The following RNGTT variants were observed in gnomAD, a reference collection of about 807,000 sequenced individuals.
RNGTT encodes mRNA-capping enzyme.
RNGTT carries 33 observed loss-of-function variants against 79.3 expected under a neutral mutation model. The ratio of observed to expected loss-of-function variants is 0.42; its 90% confidence interval spans 0.32 to 0.56. RNGTT has a LOEUF of 0.56. RNGTT is among the 20% of genes least tolerant of loss of function. RNGTT has a pLI of 0.17. For synonymous variants in RNGTT, 222 were observed against 235.9 expected, an observed-to-expected ratio of 0.94 and a Z score of 0.54; for missense variants, 497 against 739.1, an observed-to-expected ratio of 0.67 and a Z score of 3.80.
chr6:88,645,931 A>G (rs1325530754), intron 14 of RNGTT, among the ~76,000 whole-genome samples: 1 of 152,242 alleles, frequency 6.6e-6, no homozygotes, highest in African/African-American at 2.4e-5. Flanking sequence ...GCCATTCAGG[A>G]CATAGGCATG....
intron 11 of RNGTT, among the ~76,000 whole-genome samples, chr6:88,834,909 T>C (rs1375105938): frequency 6.6e-6 from 1 of 152,030 alleles, no homozygotes; most frequent in Admixed American, 6.6e-5. Flanking sequence ...TAACTAATAT[T>C]AATAAAATTA....
intron 8 of RNGTT, among the ~76,000 whole-genome samples, chr6:88,871,748 C>T (rs1782362507): frequency 6.6e-6 from 1 of 152,052 alleles, no homozygotes; most frequent in African/African-American, 2.4e-5. Flanking sequence ...CAGAGCTTTC[C>T]TTATCTGACT....
chr6:88,707,097 A>G (rs1415780064), intron 13 of RNGTT, among the ~76,000 whole-genome samples: 1 of 152,200 alleles, frequency 6.6e-6, no homozygotes, highest in Non-Finnish European at 1.5e-5. Context: ...AAATTAGTCA[A>G]GCAATTTATA....
chr6:88,818,845 T>TTA (rs1300339777), intron 11 of RNGTT, among the ~76,000 whole-genome samples: 2 of 152,228 alleles, frequency 1.3e-5, no homozygotes, highest in African/African-American at 4.8e-5. Context: ...AATTTAATCA[T>TTA]TATGTTTTTT....
At chr6:88,901,501 T>C (rs1319764604) in intron 6 of RNGTT, among the ~76,000 whole-genome samples, 1 of 59,410 alleles carries the variant, frequency 1.7e-5, no homozygotes, top group South Asian at 5.8e-4. Flanking sequence ...TGATCTTTTT[T>C]TTTTTTTTTT....
chr6:88,666,268 A>AC, intron 14 of RNGTT, among the ~76,000 whole-genome samples: 1 of 152,350 alleles, frequency 6.6e-6, no homozygotes, highest in East Asian at 1.9e-4. Context: ...AAAGAAAAAA[A>AC]ATAGCAGTCG....
intron 4 of RNGTT, among the ~76,000 whole-genome samples, chr6:88,908,439 G>C (rs151276158): frequency 6.6e-6 from 1 of 152,272 alleles, no homozygotes; most frequent in African/African-American, 2.4e-5. Context: ...CTGCAACTTT[G>C]AACAGATCTT....
intron 11 of RNGTT, among the ~76,000 whole-genome samples, chr6:88,808,956 A>T (rs1272813711): frequency 1.4e-5 from 2 of 143,534 alleles, no homozygotes; most frequent in Non-Finnish European, 3.1e-5. Flanking sequence ...GATCCCTCTT[A>T]AAAAAAAAAA....
chr6:88,754,188 T>C (rs1388482128), intron 13 of RNGTT, among the ~76,000 whole-genome samples: 1 of 152,152 alleles, frequency 6.6e-6, no homozygotes, highest in Admixed American at 6.5e-5. Context: ...AATCCAAGTG[T>C]CTACTGAGTA....
At chr6:88,795,399 G>A (rs1399239929) in intron 12 of RNGTT, among the ~76,000 whole-genome samples, 1 of 152,072 alleles carries the variant, frequency 6.6e-6, no homozygotes, top group Non-Finnish European at 1.5e-5. Flanking sequence ...CCCTTGAATA[G>A]AACACGTTTA....
intron 8 of RNGTT, among the ~76,000 whole-genome samples, chr6:88,884,601 A>G (rs888471580): frequency 8.5e-5 from 13 of 152,216 alleles, no homozygotes; most frequent in African/African-American, 2.9e-4. Context: ...TTCTCAGAGC[A>G]TACTCTGAAT....
At chr6:88,921,609 T>A (rs948915536) in intron 4 of RNGTT, among the ~76,000 whole-genome samples, 2 of 152,096 alleles carry the variant, frequency 1.3e-5, no homozygotes, top group Admixed American at 6.5e-5. Context: ...TTTTTTTTTA[T>A]TATGGAAATT....
intron 2 of RNGTT, among the ~76,000 whole-genome samples, chr6:88,940,345 T>C (rs765788554): frequency 6.6e-6 from 1 of 152,054 alleles, no homozygotes; most frequent in Non-Finnish European, 1.5e-5. Flanking sequence ...TCCCAAAGTG[T>C]TGGGATTACA....
At chr6:88,853,527 G>C in intron 9 of RNGTT, 102 bp downstream of exon 9, 1 of 701,208 alleles carries the variant, frequency 1.4e-6, no homozygotes, top group Non-Finnish European at 2.3e-6. Flanking sequence ...AAAAAAGTTA[G>C]ATTTCATTCG....
At chr6:88,832,589 CT>C (rs1301429600) in intron 11 of RNGTT, among the ~76,000 whole-genome samples, 1 of 152,068 alleles carries the variant, frequency 6.6e-6, no homozygotes, top group African/African-American at 2.4e-5. Context: ...CAAGTGGGAT[CT>C]AATTAAACTA....
At chr6:88,649,997 A>G (rs1773737198) in intron 14 of RNGTT, among the ~76,000 whole-genome samples, 1 of 152,166 alleles carries the variant, frequency 6.6e-6, no homozygotes. Context: ...ATAATTTTTC[A>G]TGATTTTACT....
At chr6:88,714,450 T>A (rs1776431090) in intron 13 of RNGTT, 1 of 89,706 alleles carries the variant, frequency 1.1e-5, no homozygotes, top group Admixed American at 9.2e-5. Context: ...TACTTTTTTT[T>A]TTTTTTTTTT....
At chr6:88,677,978 A>AC (rs1774939575) in intron 14 of RNGTT, 1 of 115,098 alleles carries the variant, frequency 8.7e-6, no homozygotes, top group Non-Finnish European at 1.8e-5. Flanking sequence ...CCTCACATTC[A>AC]CTTTTTTTTT....
intron 12 of RNGTT, among the ~76,000 whole-genome samples, chr6:88,783,225 G>A (rs1480617707): frequency 6.6e-6 from 1 of 152,144 alleles, no homozygotes; most frequent in Admixed American, 6.5e-5. Context: ...CCCCAGAAAA[G>A]TAATTTATGC....
Sources: gnomAD v4.1 joint callset for allele counts (sites outside exome capture counted in the v4.1 genomes callset) on GRCh38, gnomAD v4.1.1 for gene constraint, MANE v1.5 for transcripts, NCBI Gene and HGNC (gene_info 2026-07-23, HGNC 2026-07-21) for gene names.